STAT4: variants seen among roughly 807,000 people sequenced by gnomAD.
STAT4 encodes signal transducer and activator of transcription 4.
A neutral mutation model predicts 110.5 loss-of-function variants in STAT4; 42 were observed. That is an observed-to-expected ratio of 0.38 (90% CI 0.30 to 0.49). The LOEUF (loss-of-function observed/expected upper bound fraction) is 0.49. STAT4 is among the 20% of genes least tolerant of loss of function. The pLI is 0.95. For missense variants in STAT4, 632 were observed against 887.9 expected (o/e 0.71, Z 3.66); for synonymous variants, 284 against 302.2 (o/e 0.94, Z 0.63).
chr2:191,039,688 A>G lies in STAT4; in HGVS notation c.1336-391T>C, dbSNP rs1269730052. Among the ~76,000 whole-genome samples, 2 of 152,248 alleles carry G rather than the reference A, an allele frequency of 1.3e-5. No individual in the cohort carries two copies. Among genetic ancestry groups the G allele is most frequent in the Non-Finnish European group, 2.9e-5 (2 of 68,038 alleles). On this transcript the variant is annotated intron_variant, in intron 15 of 23. Coordinates refer to ENST00000392320, the MANE Select transcript of STAT4 (RefSeq NM_003151.4). The surrounding 1 kb of genome is among the most constrained non-coding windows in gnomAD (Gnocchi z 4.7). ...AATCTATTTTAAGTTTATCTCTGGA[A>G]TGAATCAGTACCTTCAAATTATGAC...
At chr2:191,073,331 A>G in intron 4 of STAT4, 141 bp from the exon 5 acceptor site, 1 of 661,954 alleles carries the variant, frequency 1.5e-6, no homozygotes, top group South Asian at 2.1e-5. Flanking sequence ...ATGCTGTAAA[A>G]AAGTATTTAA....
rs553624680 is a variant in STAT4, at chr2:191,126,605, A to AT, written c.273+20007dup. 3.7e-4 allele frequency among the ~76,000 whole-genome samples: 55 copies of AT among 150,544 alleles called. 1 individual carries two copies. In the South Asian group the frequency reaches 7.6e-3, roughly 21 times the overall value. ...TCACACTAGAGGCTGTAGAAATCTCATTTTTTTTTCCTGGCCACAGACTGC... is the reference window on the plus strand; with the variant it reads ...TCACACTAGAGGCTGTAGAAATCTCATTTTTTTTTTCCTGGCCACAGACTGC... On this transcript the variant is annotated intron_variant, in intron 3 of 23. Transcript: ENST00000392320.
chr2:191,081,585 A>G (rs1485135582), intron 3 of STAT4, among the ~76,000 whole-genome samples: 1 of 152,222 alleles, frequency 6.6e-6, no homozygotes, highest in African/African-American at 2.4e-5. Flanking sequence ...CATCTCTCTG[A>G]TGACCAGTGA....
At position 191,066,181 on chromosome 2, in the gene STAT4, T is replaced by C. The variant is rs1266930550; in HGVS notation, c.630+249A>G. ...ATAAAAATTGGGTAAAATTTCCACC[T>C]TGAAATTAATGTTAGCTACAGTAAA... On this transcript the variant is annotated intron_variant, in intron 7 of 23. Coordinates refer to ENST00000392320, the MANE Select transcript of STAT4 (RefSeq NM_003151.4). The surrounding 1 kb of genome is among the most constrained non-coding windows in gnomAD (Gnocchi z 4.3). Among the ~76,000 whole-genome samples the C allele has an allele frequency of 6.6e-6, 1 of 152,152 alleles. No individual in the cohort carries two copies. Among genetic ancestry groups the C allele is most frequent in the Non-Finnish European group, 1.5e-5 (1 of 68,018 alleles).
At chr2:191,128,875 G>A (rs1350272399) in intron 3 of STAT4, among the ~76,000 whole-genome samples, 1 of 152,194 alleles carries the variant, frequency 6.6e-6, no homozygotes, top group African/African-American at 2.4e-5. Context: ...AAGATGGCCT[G>A]TTCCCTCTAC....
chr2:191,055,417 C>G, intron 13 of STAT4, among the ~76,000 whole-genome samples: 1 of 116,376 alleles, frequency 8.6e-6, no homozygotes, highest in Non-Finnish European at 1.7e-5. Flanking sequence ...GACGGGGTTT[C>G]ACTGTGTTAG....
chr2:191,058,953 A>C lies in STAT4; in HGVS notation c.1035-184T>G, dbSNP rs1416891947. ...TGCCTCTTTAGTTTGCCATGTAACT[A>C]ATGTTGACATCAGTCACTTAATAGC... On this transcript the variant is annotated intron_variant, in intron 10 of 23. Coordinates refer to ENST00000392320, the MANE Select transcript of STAT4 (RefSeq NM_003151.4). This position sits in a 1 kb window ranked among gnomAD's most constrained non-coding sequence, Gnocchi z 4.3. Among the ~76,000 whole-genome samples, 1 of 152,172 alleles carries C rather than the reference A, an allele frequency of 6.6e-6. No homozygotes were observed. The highest frequency in any genetic ancestry group is 6.5e-5 in the Admixed American group (1 of 15,280).
intron 14 of STAT4, among the ~76,000 whole-genome samples, chr2:191,049,526 A>G (rs754233856): frequency 2.0e-5 from 3 of 152,198 alleles, no homozygotes; most frequent in South Asian, 4.1e-4. Context: ...TAAGAAAAAT[A>G]TGACTGGGAT....
intron 3 of STAT4, among the ~76,000 whole-genome samples, chr2:191,145,118 A>T (rs1239056345): frequency 6.6e-6 from 1 of 151,914 alleles, no homozygotes; most frequent in African/African-American, 2.4e-5. Flanking sequence ...TGAGACACAT[A>T]TATACACACA....
In STAT4 at chr2:191,104,569, A is replaced by C. The variant is rs896748682; in HGVS notation, c.274-28244T>G. 6.6e-6 allele frequency among the ~76,000 whole-genome samples: 1 copy of C among 152,214 alleles called. No individual in the cohort carries two copies. The highest frequency in any genetic ancestry group is 1.5e-5 in the Non-Finnish European group (1 of 68,040). On this transcript the variant is annotated intron_variant, in intron 3 of 23. Coordinates refer to ENST00000392320, the MANE Select transcript of STAT4 (RefSeq NM_003151.4). The surrounding 1 kb of genome is among the most constrained non-coding windows in gnomAD (Gnocchi z 4.3). The stretch of plus-strand genomic sequence containing the variant: ...CTGCCATAGAAGTCTTTGAAGCTGA[A>C]ATAAAATTGTCAACTTTTGATTTTG...
In STAT4 at chr2:191,146,472, G is replaced by T; in HGVS notation, c.273+141C>A. ...GAAAAATGTTAGGTAATAAAATTGA[G>T]CACAAAATTTGTAAGTGGTAAGACA... On this transcript the variant is annotated intron_variant, in intron 3 of 23. Coordinates refer to ENST00000392320, the MANE Select transcript of STAT4 (RefSeq NM_003151.4). The surrounding 1 kb of genome is among the most constrained non-coding windows in gnomAD (Gnocchi z 4.5). 1 of 698,468 alleles carries T rather than the reference G, an allele frequency of 1.4e-6. No individual in the cohort carries two copies. The highest frequency in any genetic ancestry group is 2.0e-6 in the Non-Finnish European group (1 of 489,042). 43.3% of individuals were successfully genotyped at this position (698,468 alleles called of 1,614,324 possible).
rs759966185 is a variant in STAT4, at chr2:191,053,833, A to G, written c.1251+657T>C. ...TCTCCAAGAGTATTTAAAATTATGG[A>G]AAACTGTTCTCCGGGCTGGGCACGG... On this transcript the variant is annotated intron_variant, in intron 14 of 23. Coordinates refer to ENST00000392320, the MANE Select transcript of STAT4 (RefSeq NM_003151.4). The surrounding 1 kb of genome is among the most constrained non-coding windows in gnomAD (Gnocchi z 4.5). Among the ~76,000 whole-genome samples the G allele has an allele frequency of 6.6e-6, 1 of 152,228 alleles. No homozygotes were observed. Among genetic ancestry groups the G allele is most frequent in the Admixed American group, 6.5e-5 (1 of 15,284 alleles).
rs1418594661 is a variant in STAT4 at position 191,066,519 on chromosome 2, C to T, written c.545-4G>A. On this transcript the variant is annotated splice_polypyrimidine_tract_variant and splice_region_variant and intron_variant, in intron 6 of 23. Transcript: ENST00000392320. The surrounding 1 kb of genome is among the most constrained non-coding windows in gnomAD (Gnocchi z 4.3). ...GCACTATTCTTGTCACTCTGATCTG[C>T]AAAGGTAAAGAGATCAGATTTAGAG... The T allele has an allele frequency of 1.2e-6, 2 of 1,612,438 alleles. No homozygotes were observed. The highest frequency in any genetic ancestry group is 1.1e-5 in the South Asian group (1 of 90,998).
Position 191,104,418 on chromosome 2 carries a change from G to A in STAT4, c.274-28093C>T, listed in dbSNP as rs1312719235. On this transcript the variant is annotated intron_variant, in intron 3 of 23. Coordinates refer to ENST00000392320, the MANE Select transcript of STAT4 (RefSeq NM_003151.4). This position sits in a 1 kb window ranked among gnomAD's most constrained non-coding sequence, Gnocchi z 4.3. The stretch of plus-strand genomic sequence containing the variant: ...GTAATATTGTAGATAAAAAGCTTTA[G>A]AATCAGTGTTCATTTTTTGTTCAAT... Among the ~76,000 whole-genome samples, 2 of 152,100 alleles carry A rather than the reference G, an allele frequency of 1.3e-5. No individual in the cohort carries two copies. The highest frequency in any genetic ancestry group is 2.9e-5 in the Non-Finnish European group (2 of 67,994).
chr2:191,142,130 T>C lies in STAT4; in HGVS notation c.273+4483A>G, dbSNP rs145597520. Among the ~76,000 whole-genome samples, 81 of 152,274 alleles carry C rather than the reference T, an allele frequency of 5.3e-4. No homozygotes were observed. Among genetic ancestry groups the C allele is most frequent in the African/African-American group, 1.3e-3 (52 of 41,562 alleles). On this transcript the variant is annotated intron_variant, in intron 3 of 23. Transcript: ENST00000392320. The surrounding 1 kb of genome is among the most constrained non-coding windows in gnomAD (Gnocchi z 4.1). ...AGAGATGCCTGCACTTGCATGTTTATTGCAGGACTATTCACAATAACAAAG... is the reference window on the plus strand; with the variant it reads ...AGAGATGCCTGCACTTGCATGTTTACTGCAGGACTATTCACAATAACAAAG...
At position 191,035,115 on chromosome 2, in the gene STAT4, A is replaced by G. The variant is rs989223023; in HGVS notation, c.1571-518T>C. Among the ~76,000 whole-genome samples the G allele has an allele frequency of 6.6e-6, 1 of 152,254 alleles. No individual in the cohort carries two copies. The highest frequency in any genetic ancestry group is 1.5e-5 in the Non-Finnish European group (1 of 68,038). On this transcript the variant is annotated intron_variant, in intron 17 of 23. Transcript: ENST00000392320. The surrounding 1 kb of genome is among the most constrained non-coding windows in gnomAD (Gnocchi z 4.7). ...GCCATTGGCTGTTTTGATCCAGAGC[A>G]GTGAAAGGATGCAAGAGTTTCCATC...
intron 3 of STAT4, among the ~76,000 whole-genome samples, chr2:191,120,833 C>G (rs867537318): frequency 6.6e-6 from 1 of 152,104 alleles, no homozygotes; most frequent in Non-Finnish European, 1.5e-5. Flanking sequence ...AGAAAACCTA[C>G]ACAATACCAT....
intron 3 of STAT4, among the ~76,000 whole-genome samples, chr2:191,096,932 C>A (rs897605653): frequency 6.6e-6 from 1 of 152,150 alleles, no homozygotes; most frequent in African/African-American, 2.4e-5. Flanking sequence ...TCTCAGGATA[C>A]AAAATCAATG....
intron 13 of STAT4, among the ~76,000 whole-genome samples, chr2:191,057,473 A>G (rs923768690): frequency 6.6e-6 from 1 of 151,768 alleles, no homozygotes; most frequent in African/African-American, 2.4e-5. Context: ...CTATGTCTTC[A>G]TTGTTTAGAA....
Sources: gnomAD v4.1 joint callset for allele counts (sites outside exome capture counted in the v4.1 genomes callset) on GRCh38, gnomAD v4.1.1 for gene constraint, Gnocchi (gnomAD v3.1) non-coding constraint, MANE v1.5 for transcripts, NCBI Gene and HGNC (gene_info 2026-07-23, HGNC 2026-07-21) for gene names.